USH2A: variants seen among roughly 807,000 people sequenced by gnomAD.
USH2A encodes Usher syndrome 2A (autosomal recessive, mild).
USH2A carries 443 observed loss-of-function variants against 538.9 expected under a neutral mutation model. The observed-to-expected ratio is 0.82, with a 90% CI of 0.76 to 0.89. The LOEUF (loss-of-function observed/expected upper bound fraction) is 0.89. Among genes scored for constraint, USH2A ranks in the 40% least tolerant of loss-of-function variants. The pLI, the probability that USH2A is intolerant of heterozygous loss-of-function variation, is 0.00. For missense variants in USH2A, 6,633 were observed against 6,324.8 expected, an observed-to-expected ratio of 1.05 and a Z score of -1.65; for synonymous variants, 2,413 against 2,273.5, an observed-to-expected ratio of 1.06 and a Z score of -1.75.
chr1:216,305,492 A>T (rs2037299097), intron 9 of USH2A, among the ~76,000 whole-genome samples: 1 of 152,044 alleles, frequency 6.6e-6, no homozygotes, highest in Non-Finnish European at 1.5e-5. Flanking sequence ...TAAGTGGTGC[A>T]TTTAGGCCAT....
At chr1:215,854,790 A>G (rs932931101) in intron 44 of USH2A, among the ~76,000 whole-genome samples, 1 of 152,182 alleles carries the variant, frequency 6.6e-6, no homozygotes, top group African/African-American at 2.4e-5. Context: ...TTTGTTATGC[A>G]GATGGGTTCT....
intron 11 of USH2A, among the ~76,000 whole-genome samples, chr1:216,263,077 A>G (rs2102569262): frequency 6.6e-6 from 1 of 152,230 alleles, no homozygotes; most frequent in East Asian, 1.9e-4. Flanking sequence ...AATTGAACCA[A>G]GGAGGAATAG....
At chr1:215,941,533 A>G (rs547818310) in intron 37 of USH2A, among the ~76,000 whole-genome samples, 2 of 152,278 alleles carry the variant, frequency 1.3e-5, no homozygotes, top group South Asian at 4.1e-4. Context: ...TTATTGAACA[A>G]ATATACTCTC....
chr1:215,749,106 G>A (rs1660558603), intron 58 of USH2A, among the ~76,000 whole-genome samples: 1 of 152,072 alleles, frequency 6.6e-6, no homozygotes, highest in African/African-American at 2.4e-5. Flanking sequence ...GCATTCCTAC[G>A]AAAATACTGT....
chr1:216,152,762 C>T (rs1311501783), intron 21 of USH2A, among the ~76,000 whole-genome samples: 6 of 152,182 alleles, frequency 3.9e-5, no homozygotes, highest in Non-Finnish European at 5.9e-5. Context: ...TAGAAGAGGG[C>T]AGTTCCCTGG....
chr1:215,972,943 A>G (rs1046178324), intron 35 of USH2A, among the ~76,000 whole-genome samples: 1 of 152,206 alleles, frequency 6.6e-6, no homozygotes, highest in African/African-American at 2.4e-5. Context: ...AAGAAGTGAA[A>G]GACACATAGT....
At chr1:215,891,046 A>G (rs1176069126) in intron 40 of USH2A, among the ~76,000 whole-genome samples, 1 of 152,166 alleles carries the variant, frequency 6.6e-6, no homozygotes, top group East Asian at 1.9e-4. Flanking sequence ...AGAAACAACA[A>G]TGATGCAGTT....
At chr1:216,144,673 C>A (rs973458496) in intron 21 of USH2A, among the ~76,000 whole-genome samples, 1 of 152,204 alleles carries the variant, frequency 6.6e-6, no homozygotes, top group Non-Finnish European at 1.5e-5. Context: ...GCCTACCTGA[C>A]CACTGGGCAA....
At chr1:215,894,488 G>A (rs746374564) in intron 40 of USH2A, among the ~76,000 whole-genome samples, 5 of 151,912 alleles carry the variant, frequency 3.3e-5, no homozygotes, top group African/African-American at 1.2e-4. Context: ...TCTGTTACAC[G>A]GTCTCAGAGT....
rs1006663208 is a variant in USH2A, at chr1:216,421,972, C to A, written c.365G>T (p.Ser122Ile). 4 of 1,613,764 alleles carry A rather than the reference C, an allele frequency of 2.5e-6. No individual in the cohort carries two copies. Among genetic ancestry groups the A allele is most frequent in the Non-Finnish European group, 8.5e-7 (1 of 1,179,900 alleles). Residue 122 changes from serine (S) to isoleucine (I), a missense_variant, in exon 2 of 72, where the codon AGC (serine) becomes ATC (isoleucine). By Grantham distance (142) the Ser-to-Ile change is moderately radical (BLOSUM62 -2). Transcript: ENST00000307340. ...DKNDLHPNAH[S>I]NSASFIFGNH... ...TCCAAAAATAAAACTTGCAGAATTG[C>A]TATGGGCGTTAGGATGCAGATCATT...
At chr1:216,184,460 T>C (rs2034554909) in intron 20 of USH2A, among the ~76,000 whole-genome samples, 1 of 152,012 alleles carries the variant, frequency 6.6e-6, no homozygotes. Flanking sequence ...AATGTGCTTT[T>C]TAATATGGCA....
intron 3 of USH2A, among the ~76,000 whole-genome samples, chr1:216,378,829 CA>C (rs1413320279): frequency 9.2e-5 from 14 of 152,044 alleles, no homozygotes; most frequent in Non-Finnish European, 1.6e-4. Context: ...TTTCTTTTGG[CA>C]ACTTTACCAG....
Position 216,246,631 on chromosome 1 carries a change from C to A in USH2A, c.2763G>T (p.Leu921=). 2 of 1,614,114 alleles carry A rather than the reference C, an allele frequency of 1.2e-6. No homozygotes were observed. The highest frequency in any genetic ancestry group is 1.7e-6 in the Non-Finnish European group (2 of 1,179,978). ...TTCTTCCTTGACGATTAGGCACACA[C>A]AGGCACTGGCCACTGATTGGGTCAC... is the stretch of plus-strand genomic sequence containing the variant. The part of the protein sequence containing the change: ...TICDPISGQC[L]CVPNRQGRRC... Residue 921 remains leucine, a synonymous_variant, in exon 13 of 72, where the codon CTG becomes CTT. Coordinates refer to ENST00000307340, the MANE Select transcript of USH2A (RefSeq NM_206933.4).
intron 13 of USH2A, among the ~76,000 whole-genome samples, chr1:216,239,354 C>A (rs961836738): frequency 2.6e-5 from 4 of 152,112 alleles, no homozygotes; most frequent in Non-Finnish European, 4.4e-5. Flanking sequence ...GCTAGGCTCA[C>A]ACCTAAAAAC....
At chr1:216,250,110 C>T (rs908004300) in intron 12 of USH2A, among the ~76,000 whole-genome samples, 2 of 152,120 alleles carry the variant, frequency 1.3e-5, no homozygotes, top group African/African-American at 2.4e-5. Context: ...ATCAAAATTT[C>T]AAAGTGCATT....
intron 9 of USH2A, among the ~76,000 whole-genome samples, chr1:216,315,469 C>A (rs1204339896): frequency 6.6e-6 from 1 of 152,074 alleles, no homozygotes; most frequent in East Asian, 1.9e-4. Context: ...GCACTGACTG[C>A]AAAGAAGCAT....
chr1:216,292,512 C>A, intron 9 of USH2A, 142 bp from the exon 10 acceptor site: 2 of 948,300 alleles, frequency 2.1e-6, no homozygotes, highest in Middle Eastern at 3.3e-4. Context: ...AAAAATATTT[C>A]GTAAGTCAGA....
intron 32 of USH2A, among the ~76,000 whole-genome samples, chr1:216,006,796 TGGG>T (rs1668402275): frequency 6.6e-6 from 1 of 152,222 alleles, no homozygotes; most frequent in South Asian, 2.1e-4. Flanking sequence ...ATTTGTTCAA[TGGG>T]TACTGAGATC....
chr1:216,084,925 T>C (rs1398857210), intron 24 of USH2A, 48 bp from the exon 25 acceptor site: 2 of 1,581,088 alleles, frequency 1.3e-6, no homozygotes, highest in African/African-American at 1.4e-5. Context: ...GAAAGATTAT[T>C]TTCAAGCAAT....
Sources: gnomAD v4.1 joint callset for allele counts (sites outside exome capture counted in the v4.1 genomes callset) on GRCh38, gnomAD v4.1.1 for gene constraint, MANE v1.5 for transcripts, NCBI Gene and HGNC (gene_info 2026-07-23, HGNC 2026-07-21) for gene names.